CERS6: variants seen among roughly 807,000 people sequenced by gnomAD.
The protein encoded by CERS6 is ceramide synthase 6, also known as LAG1 homolog, ceramide synthase 6.
CERS6 carries 26 observed loss-of-function variants against 56.8 expected under a neutral mutation model. The observed-to-expected ratio is 0.46, with a 90% CI of 0.34 to 0.63. The LOEUF is 0.63. Ranked by LOEUF, CERS6 falls within the 30% of genes least tolerant of loss-of-function variation. The probability of loss-of-function intolerance (pLI) is 0.01; values close to 1 mark genes in which losing one functional copy is unlikely to be tolerated. For missense variants in CERS6, 415 were observed against 467.5 expected (o/e 0.89, Z 1.04); for synonymous variants, 164 against 173.3 (o/e 0.95, Z 0.42).
chr2:168,592,158 C>T (rs1489435272), intron 3 of CERS6, among the ~76,000 whole-genome samples: 1 of 152,188 alleles, frequency 6.6e-6, no homozygotes, highest in African/African-American at 2.4e-5. Context: ...TACCAAAAGC[C>T]ATAGGGCTTC....
At chr2:168,515,977 G>T (rs1694877992) in intron 1 of CERS6, among the ~76,000 whole-genome samples, 2 of 152,312 alleles carry the variant, frequency 1.3e-5, no homozygotes, top group South Asian at 4.1e-4. Context: ...AATGGAGGTG[G>T]AATGTCAGAA....
chr2:168,670,965 TTC>T (rs1685893885), intron 4 of CERS6, among the ~76,000 whole-genome samples: 1 of 23,110 alleles, frequency 4.3e-5, no homozygotes, highest in Non-Finnish European at 2.0e-4. Flanking sequence ...GGATACATGC[TTC>T]CCCCCCCCCC....
intron 1 of CERS6, among the ~76,000 whole-genome samples, chr2:168,535,660 T>C (rs1695248609): frequency 7.3e-6 from 1 of 137,038 alleles, no homozygotes; most frequent in Non-Finnish European, 1.6e-5. Context: ...CAACAATGTT[T>C]TGATACCAGT....
chr2:168,767,096 ACTTGTGTC>A (rs1388236242), intron 9 of CERS6, among the ~76,000 whole-genome samples: 2 of 152,218 alleles, frequency 1.3e-5, no homozygotes, highest in Non-Finnish European at 2.9e-5. Flanking sequence ...TGCTTAGATT[ACTTGTGTC>A]CTTAATTGCA....
At chr2:168,589,748 T>C (rs1683629911) in intron 3 of CERS6, among the ~76,000 whole-genome samples, 1 of 152,242 alleles carries the variant, frequency 6.6e-6, no homozygotes, top group Admixed American at 6.5e-5. Flanking sequence ...CATATAGATG[T>C]ACCTCATTCT....
At chr2:168,520,468 G>A (rs558588350) in intron 1 of CERS6, among the ~76,000 whole-genome samples, 8 of 151,492 alleles carry the variant, frequency 5.3e-5, no homozygotes, top group South Asian at 2.1e-4. Context: ...TTTTTGTTGC[G>A]TTTGCTTTTG....
intron 1 of CERS6, among the ~76,000 whole-genome samples, chr2:168,496,850 C>G (rs986378825): frequency 6.6e-6 from 1 of 152,132 alleles, no homozygotes; most frequent in African/African-American, 2.4e-5. Flanking sequence ...TTACTTTCAG[C>G]TTCATGCCTA....
chr2:168,603,902 G>A (rs1052370450), intron 3 of CERS6, among the ~76,000 whole-genome samples: 4 of 152,128 alleles, frequency 2.6e-5, no homozygotes, highest in Admixed American at 6.5e-5. Context: ...TCTCTAGTCC[G>A]TAGTCTATAT....
chr2:168,511,373 A>T (rs1469837843), intron 1 of CERS6, among the ~76,000 whole-genome samples: 1 of 152,204 alleles, frequency 6.6e-6, no homozygotes, highest in Non-Finnish European at 1.5e-5. Flanking sequence ...TAATTGGAAG[A>T]TTCTGGGCAG....
At chr2:168,753,154 A>C (rs961802346) in intron 8 of CERS6, among the ~76,000 whole-genome samples, 1 of 152,232 alleles carries the variant, frequency 6.6e-6, no homozygotes, top group Non-Finnish European at 1.5e-5. Context: ...GATAACTCGC[A>C]TCACAGAGCT....
At chr2:168,766,717 AG>A (rs1303965642) in intron 9 of CERS6, among the ~76,000 whole-genome samples, 1 of 152,188 alleles carries the variant, frequency 6.6e-6, no homozygotes, top group African/African-American at 2.4e-5. Flanking sequence ...GGAGGGGGAG[AG>A]GATCAACACA....
In CERS6 at chr2:168,769,756, C is replaced by A; in HGVS notation, c.*94C>A. 1 of 1,290,628 alleles carries A rather than the reference C, an allele frequency of 7.7e-7. No individual in the cohort carries two copies. The highest frequency in any genetic ancestry group is 1.1e-6 in the Non-Finnish European group (1 of 911,458). The allele number at this position is 1,290,628 out of a possible 1,614,324, so 79.9% of individuals were successfully genotyped here. On this transcript the variant is annotated 3_prime_UTR_variant, in exon 10 of 10. Coordinates refer to ENST00000305747, the MANE Select transcript of CERS6 (RefSeq NM_203463.3). ...TGCAGTTCCTTTCATAATATCTCAG[C>A]ACCAGAAACAAAAATTAAGATTATC...
At chr2:168,697,694 A>G (rs1274831015) in intron 6 of CERS6, among the ~76,000 whole-genome samples, 1 of 152,146 alleles carries the variant, frequency 6.6e-6, no homozygotes, top group Non-Finnish European at 1.5e-5. Context: ...TTAGACACAT[A>G]CATAATCCTT....
At chr2:168,538,444 T>C (rs1695305676) in intron 1 of CERS6, among the ~76,000 whole-genome samples, 4 of 152,260 alleles carry the variant, frequency 2.6e-5, no homozygotes, top group Middle Eastern at 3.4e-3. Context: ...AGAATGTCCT[T>C]CCCCCACTTA....
At chr2:168,714,587 A>C (rs1687181340) in intron 6 of CERS6, among the ~76,000 whole-genome samples, 1 of 152,176 alleles carries the variant, frequency 6.6e-6, no homozygotes, top group South Asian at 2.1e-4. Flanking sequence ...CTTAGCTTCA[A>C]ATTATTTGGC....
At chr2:168,461,005 C>T (rs964850665) in intron 1 of CERS6, among the ~76,000 whole-genome samples, 19 of 151,794 alleles carry the variant, frequency 1.3e-4, no homozygotes, top group Non-Finnish European at 1.9e-4. Flanking sequence ...AGTGTGAGAG[C>T]GTGTTCCTGG....
At chr2:168,733,786 C>T (rs1559072431) in intron 8 of CERS6, among the ~76,000 whole-genome samples, 1 of 152,112 alleles carries the variant, frequency 6.6e-6, no homozygotes, top group Non-Finnish European at 1.5e-5. Flanking sequence ...GGGTCTTGCC[C>T]AAGAATCTGG....
intron 1 of CERS6, among the ~76,000 whole-genome samples, chr2:168,528,921 C>T (rs377155693): frequency 5.9e-5 from 9 of 152,238 alleles, no homozygotes; most frequent in East Asian, 5.8e-4. Context: ...TTCAAATAAA[C>T]GATTGTGACA....
chr2:168,514,699 T>A (rs370471984), intron 1 of CERS6, among the ~76,000 whole-genome samples: 71 of 152,268 alleles, frequency 4.7e-4, no homozygotes, highest in African/African-American at 1.0e-3. Context: ...TGTTTTTTCT[T>A]TAGAAAACAA....
Sources: gnomAD v4.1 joint callset for allele counts (sites outside exome capture counted in the v4.1 genomes callset) on GRCh38, gnomAD v4.1.1 for gene constraint, MANE v1.5 for transcripts, NCBI Gene and HGNC (gene_info 2026-07-23, HGNC 2026-07-21) for gene names.